BCL11B: variants seen among roughly 807,000 people sequenced by gnomAD.
The protein encoded by BCL11B is B-cell lymphoma/leukemia 11B.
A neutral mutation model predicts 49.9 loss-of-function variants in BCL11B; 8 were observed. The observed-to-expected ratio is 0.16, with a 90% confidence interval of 0.09 to 0.29. BCL11B has a LOEUF of 0.29. BCL11B is among the 10% of genes least tolerant of loss of function. The pLI is 1.00. For missense variants in BCL11B, 1,006 were observed against 1,351.0 expected (o/e 0.74, Z 4.00); for synonymous variants, 739 against 637.4 (o/e 1.16, Z -2.40).
intron 3 of BCL11B, among the ~76,000 whole-genome samples, chr14:99,199,640 CTGTGTGTGTGTGTGTGTGTGTGTG>C (rs79328426): frequency 7.3e-5 from 8 of 109,524 alleles, no homozygotes; most frequent in Admixed American, 3.4e-4. Context: ...TGGCTAAATG[CTGTGTGTGTGTGTGTGTGTGTGTG>C]TGTGTGTGTG....
chr14:99,180,209 C>T (rs1039705866), intron 3 of BCL11B, among the ~76,000 whole-genome samples: 11 of 152,204 alleles, frequency 7.2e-5, no homozygotes, highest in Non-Finnish European at 1.3e-4. Flanking sequence ...GAGATTCCCA[C>T]TGATAGGTCA....
intron 3 of BCL11B, among the ~76,000 whole-genome samples, chr14:99,212,825 G>C (rs532527983): frequency 2.5e-4 from 38 of 152,306 alleles, no homozygotes; most frequent in African/African-American, 8.9e-4. Context: ...CCAGGGCCAT[G>C]ATGCTCTCCA....
At chr14:99,188,850 T>C (rs1001855152) in intron 3 of BCL11B, among the ~76,000 whole-genome samples, 4 of 152,236 alleles carry the variant, frequency 2.6e-5, no homozygotes, top group Non-Finnish European at 5.9e-5. Flanking sequence ...TGGCCGAGTC[T>C]GCTGTCGGCC....
rs1450966405 is a variant in BCL11B, at chr14:99,171,606, T to C, written c.*2545A>G. 3 of 212,888 alleles carry C rather than the reference T, an allele frequency of 1.4e-5. No homozygotes were observed. The highest frequency in any genetic ancestry group is 2.3e-5 in the African/African-American group (1 of 43,804). The allele number at this position is 212,888 out of a possible 1,614,324, so 13.2% of individuals were successfully genotyped here. A position where few individuals can be genotyped will look rare whatever the true frequency, so the allele number is the denominator to read the frequency against. ...GAGAAAAATAAGTACAGGTCAGAAA[T>C]GTGATTTTTTTTTTTTCTGCAAAGC... On this transcript the variant is annotated 3_prime_UTR_variant, in exon 4 of 4. Coordinates refer to ENST00000357195, the MANE Select transcript of BCL11B (RefSeq NM_138576.4).
chr14:99,269,902 AAAAAAAAAG>A (rs1889608558), intron 1 of BCL11B, among the ~76,000 whole-genome samples: 2 of 124,892 alleles, frequency 1.6e-5, no homozygotes, highest in Admixed American at 1.6e-4. Context: ...AAAAAAAAAA[AAAAAAAAAG>A]GAACGGCGAC....
intron 3 of BCL11B, among the ~76,000 whole-genome samples, chr14:99,188,120 A>G (rs1037168398): frequency 1.3e-5 from 2 of 152,250 alleles, no homozygotes; most frequent in Non-Finnish European, 2.9e-5. Context: ...ATAAAGCACA[A>G]GAAAACAGCA....
intron 2 of BCL11B, among the ~76,000 whole-genome samples, chr14:99,238,307 C>A (rs1372426144): frequency 6.6e-6 from 1 of 152,198 alleles, no homozygotes; most frequent in Admixed American, 6.5e-5. Context: ...GGAACATCCT[C>A]CCCAGCAGCT....
At chr14:99,265,685 A>G (rs1175672216) in intron 1 of BCL11B, among the ~76,000 whole-genome samples, 1 of 152,210 alleles carries the variant, frequency 6.6e-6, no homozygotes, top group Non-Finnish European at 1.5e-5. Context: ...CTGCCACTAC[A>G]TGCTTACAAC....
chr14:99,257,562 C>A lies in BCL11B; in HGVS notation c.336G>T (p.Pro112=), dbSNP rs149715351. The change falls in exon 2 of 4, where the codon CCG becomes CCT. Residue 112 remains proline (P), a synonymous_variant. Coordinates refer to ENST00000357195, the MANE Select transcript of BCL11B (RefSeq NM_138576.4). The surrounding 1 kb of genome is among the most constrained non-coding windows in gnomAD (Gnocchi z 6.2). ...GGGTGACTTGGATCCCGATCTCCAC[C>A]GGCTCGGACACTTTCCTGAGCTCGG... ...SRSELRKVSE[P]VEIGIQVTPD... is the part of the protein sequence containing the mutation. The A allele has an allele frequency of 6.2e-7, 1 of 1,614,054 alleles. No homozygotes were observed. Among genetic ancestry groups the A allele is most frequent in the Non-Finnish European group, 8.5e-7 (1 of 1,179,968 alleles).
intron 3 of BCL11B, among the ~76,000 whole-genome samples, chr14:99,185,080 T>C (rs1886813087): frequency 6.6e-6 from 1 of 151,990 alleles, no homozygotes; most frequent in South Asian, 2.1e-4. Flanking sequence ...ACACAGAGAA[T>C]TGTCAGACAA....
rs1216488923 is a variant in BCL11B at position 99,271,305 on chromosome 14, T to TGCCGCCGCC, written c.-88_-87insGGCGGCGGC. The TGCCGCCGCC allele has an allele frequency of 4.7e-6, 4 of 850,908 alleles. No homozygotes were observed. Among genetic ancestry groups the TGCCGCCGCC allele is most frequent in the Non-Finnish European group, 6.2e-6 (4 of 650,026 alleles). 52.7% of individuals were successfully genotyped at this position (850,908 alleles called of 1,614,324 possible). On this transcript the variant is annotated 5_prime_UTR_variant, in exon 1 of 4. Coordinates refer to ENST00000357195, the MANE Select transcript of BCL11B (RefSeq NM_138576.4). Reference sequence around the variant, plus strand: ...GGGGTCCGAGCCGCCGCCGCGCCGCTGCCGCCGCTGCCGCCGCCGCCGCCG... The same window carrying TGCCGCCGCC: ...GGGGTCCGAGCCGCCGCCGCGCCGCTGCCGCCGCCGCCGCCGCTGCCGCCGCCGCCGCCG...
At position 99,194,779 on chromosome 14, in the gene BCL11B, G is replaced by A. The variant is rs149400056; in HGVS notation, c.641-18584C>T. 1.3e-5 allele frequency among the ~76,000 whole-genome samples: 2 copies of A among 152,312 alleles called. No individual in the cohort carries two copies. Among genetic ancestry groups the A allele is most frequent in the African/African-American group, 4.8e-5 (2 of 41,582 alleles). ...CAAAAGCAGTCTCAACCGTGGAGCAGACGGCCTTCGATAATAGCAACCCCC... is the reference window on the plus strand; with the variant it reads ...CAAAAGCAGTCTCAACCGTGGAGCAAACGGCCTTCGATAATAGCAACCCCC... On this transcript the variant is annotated intron_variant, in intron 3 of 3. Transcript: ENST00000357195. The surrounding 1 kb of genome is among the most constrained non-coding windows in gnomAD (Gnocchi z 4.6).
intron 2 of BCL11B, among the ~76,000 whole-genome samples, chr14:99,255,363 A>G (rs1889126538): frequency 6.7e-6 from 1 of 148,826 alleles, no homozygotes. Flanking sequence ...TTCGTCACAC[A>G]TAAAATAAAG....
chr14:99,235,139 CG>C (rs1305987431), intron 2 of BCL11B, among the ~76,000 whole-genome samples: 1 of 152,360 alleles, frequency 6.6e-6, no homozygotes, highest in African/African-American at 2.4e-5. Context: ...AGGGGGAATT[CG>C]AGCCTTCCCC....
rs1427531099 is a variant in BCL11B at position 99,174,766 on chromosome 14, C to T, written c.2070G>A (p.Val690=). The change falls in exon 4 of 4, where the codon GTG becomes GTA. Residue 690 remains valine, a synonymous_variant. Coordinates refer to ENST00000357195, the MANE Select transcript of BCL11B (RefSeq NM_138576.4). The part of the protein sequence containing the change: ...GLNSAAKRIK[V]EKDLELPPAA... ...CGGGCGGCAGCTCCAGGTCCTTCTC[C>T]ACCTTGATGCGCTTGGCGGCGCTGT... is the stretch of plus-strand genomic sequence containing the variant. 8 of 1,483,942 alleles carry T rather than the reference C, an allele frequency of 5.4e-6. No homozygotes were observed. The highest frequency in any genetic ancestry group is 7.2e-6 in the Non-Finnish European group (8 of 1,117,592). 91.9% of individuals were successfully genotyped at this position (1,483,942 alleles called of 1,614,324 possible). A position where few individuals can be genotyped will look rare whatever the true frequency, so the allele number is the denominator to read the frequency against.
At chr14:99,268,735 A>T (rs1889559942) in intron 1 of BCL11B, among the ~76,000 whole-genome samples, 1 of 152,028 alleles carries the variant, frequency 6.6e-6, no homozygotes, top group Non-Finnish European at 1.5e-5. Context: ...CCTAGCTTAA[A>T]CCTGTACACA....
chr14:99,175,928 G>T lies in BCL11B; in HGVS notation c.908C>A (p.Pro303Gln), dbSNP rs752385859. Reference protein sequence around the residue: ...RMTGPILRDHPGFGEGRLPGT... With the variant: ...RMTGPILRDHQGFGEGRLPGT... Reference sequence around the variant, plus strand: ...CGGCAGGCGGCCCTCGCCGAAGCCCGGGTGGTCCCGCAGGATGGGGCCCGT... The same window carrying T: ...CGGCAGGCGGCCCTCGCCGAAGCCCTGGTGGTCCCGCAGGATGGGGCCCGT... Residue 303 changes from proline (P) to glutamine (Q), a missense_variant, in exon 4 of 4, where the codon CCG (proline) becomes CAG (glutamine). Pro to Gln is a moderately conservative substitution (Grantham distance 76). Transcript: ENST00000357195. 6.3e-5 allele frequency: 91 copies of T among 1,446,244 alleles called. 1 individual carries two copies. The highest frequency in any genetic ancestry group is 7.9e-5 in the Non-Finnish European group (87 of 1,101,498). The allele number at this position is 1,446,244 out of a possible 1,614,324, so 89.6% of individuals were successfully genotyped here. A position where few individuals can be genotyped will look rare whatever the true frequency, so the allele number is the denominator to read the frequency against.
At chr14:99,197,880 C>T (rs867037194) in intron 3 of BCL11B, among the ~76,000 whole-genome samples, 1 of 152,150 alleles carries the variant, frequency 6.6e-6, no homozygotes, top group Non-Finnish European at 1.5e-5. Context: ...CTCTGCTGTG[C>T]AGGCCCCTGA....
chr14:99,229,119 A>AATGGATGGATGG (rs5810933), intron 3 of BCL11B, among the ~76,000 whole-genome samples: 89 of 138,030 alleles, frequency 6.4e-4, no homozygotes, highest in African/African-American at 1.9e-3. Context: ...TACAGGGATG[A>AATGGATGGATGG]ATGGATGGAT....
Sources: allele counts gnomAD v4.1 joint callset (sites outside exome capture counted in the v4.1 genomes callset), GRCh38; gene constraint gnomAD v4.1.1; non-coding constraint Gnocchi (gnomAD v3.1); transcripts MANE v1.5; gene names NCBI Gene and HGNC (gene_info 2026-07-23, HGNC 2026-07-21).